ARPC2: variants seen among roughly 807,000 people sequenced by gnomAD.
ARPC2 encodes actin-related protein 2/3 complex subunit 2.
In ARPC2, 4 loss-of-function variants were observed where a neutral mutation model predicts 38.6. The ratio of observed to expected loss-of-function variants is 0.10; its 90% CI spans 0.05 to 0.24. ARPC2 has a LOEUF of 0.24. ARPC2 is among the 10% of genes least tolerant of loss of function. ARPC2 has a pLI of 1.00. For synonymous variants in ARPC2, 125 were observed against 140.8 expected (o/e 0.89, Z 0.79); for missense variants, 229 against 387.3 (o/e 0.59, Z 3.43).
chr2:218,239,421 A>T lies in ARPC2; in HGVS notation c.486A>T (p.Thr162=). The change falls in exon 7 of 11, where the codon ACA becomes ACT. Residue 162 remains threonine (T), a synonymous_variant. Coordinates refer to ENST00000315717, the MANE Select transcript of ARPC2 (RefSeq NM_152862.3). The stretch of plus-strand genomic sequence containing the variant: ...TTGAGTCTAAAAAGGACAGAGTCAC[A>T]GTAGTCTTCAGCACAGTGTTTAAGG... ...MYVESKKDRV[T]VVFSTVFKDD... The T allele has an allele frequency of 2.5e-6, 4 of 1,614,086 alleles. No individual in the cohort carries two copies. The South Asian group carries it at 4.4e-5, about 18-fold the overall frequency.
Position 218,254,293 on chromosome 2 carries a change from C to A in ARPC2, c.*378C>A. 5.1e-6 allele frequency: 1 copy of A among 194,690 alleles called. No homozygotes were observed. The highest frequency in any genetic ancestry group is 9.8e-5 in the South Asian group (1 of 10,208). The allele number at this position is 194,690 out of a possible 1,614,324, so 12.1% of individuals were successfully genotyped here. On this transcript the variant is annotated 3_prime_UTR_variant, in exon 11 of 11. Coordinates refer to ENST00000315717, the MANE Select transcript of ARPC2 (RefSeq NM_152862.3). The stretch of plus-strand genomic sequence containing the variant: ...CTCCTAAGTATTTGAGTTCAAAACT[C>A]CTGTATCTAAAGAAATACGGTTGGG...
chr2:218,252,652 G>T (rs1034660089), intron 10 of ARPC2, among the ~76,000 whole-genome samples: 1 of 152,188 alleles, frequency 6.6e-6, no homozygotes, highest in Admixed American at 6.5e-5. Context: ...GTGATAACCG[G>T]ACTGGAAGGC....
At chr2:218,217,344 T>G in intron 1 of ARPC2, 90 bp downstream of exon 1, 3 of 606,364 alleles carry the variant, frequency 4.9e-6, no homozygotes, top group Admixed American at 2.5e-5. Flanking sequence ...CCCTCTCCCC[T>G]TCTCCCCTAA....
At chr2:218,239,510 A>C in intron 7 of ARPC2, 26 bp downstream of exon 7, 1 of 1,579,110 alleles carries the variant, frequency 6.3e-7, no homozygotes, top group Non-Finnish European at 8.7e-7. Flanking sequence ...CTTGGGGGAA[A>C]CCCATGCATG....
chr2:218,241,338 T>C (rs1240952136), intron 7 of ARPC2, among the ~76,000 whole-genome samples: 2 of 152,190 alleles, frequency 1.3e-5, no homozygotes, highest in Non-Finnish European at 2.9e-5. Context: ...GGAGTCACTA[T>C]ACAGAAAAAT....
At chr2:218,247,934 C>T (rs1690086916) in intron 8 of ARPC2, among the ~76,000 whole-genome samples, 1 of 136,110 alleles carries the variant, frequency 7.3e-6, no homozygotes, top group South Asian at 2.6e-4. Context: ...CAGAACAAGA[C>T]TCCGTCTCAA....
At chr2:218,248,091 T>C (rs1263035728) in intron 8 of ARPC2, among the ~76,000 whole-genome samples, 2 of 152,134 alleles carry the variant, frequency 1.3e-5, no homozygotes. Context: ...GCTATACCAT[T>C]TTTTTCAAGT....
At chr2:218,224,310 G>A (rs1689449292) in intron 2 of ARPC2, among the ~76,000 whole-genome samples, 2 of 152,116 alleles carry the variant, frequency 1.3e-5, no homozygotes, top group South Asian at 4.2e-4. Context: ...CCCTTCTTTG[G>A]CTGAATTAAA....
chr2:218,236,128 C>G (rs1158402989), intron 5 of ARPC2: 4 of 151,252 alleles, frequency 2.6e-5, no homozygotes, highest in Non-Finnish European at 5.9e-5. Context: ...CTCTCCTCCT[C>G]TTTTTTAATG....
In ARPC2 at chr2:218,238,800, C is replaced by G. The variant is rs369075041; in HGVS notation, c.405C>G (p.Gly135=). The change falls in exon 6 of 11, where the codon GGC becomes GGG. Residue 135 remains glycine, a synonymous_variant. Coordinates refer to ENST00000315717, the MANE Select transcript of ARPC2 (RefSeq NM_152862.3). ...AATACTTCCAATTCCAAGAAGAGGG[C>G]AAGGAAGGAGAGAACAGGGCAGTTA... ...FEKYFQFQEE[G]KEGENRAVIH... is the part of the protein sequence containing the mutation. The G allele has an allele frequency of 6.2e-7, 1 of 1,613,674 alleles. No homozygotes were observed.
intron 2 of ARPC2, among the ~76,000 whole-genome samples, chr2:218,220,524 A>C: frequency 6.6e-6 from 1 of 152,348 alleles, no homozygotes; most frequent in Middle Eastern, 3.4e-3. Context: ...CCAGCTTCTG[A>C]AAATGAAAGC....
At chr2:218,217,679 G>A (rs1217331828) in intron 2 of ARPC2, 135 bp downstream of exon 2, 2 of 950,768 alleles carry the variant, frequency 2.1e-6, no homozygotes, top group East Asian at 2.6e-5. Context: ...GCCCCAGCGG[G>A]GTAGACGTGG....
chr2:218,229,382 T>G (rs1283881837), intron 4 of ARPC2: 3 of 152,422 alleles, frequency 2.0e-5, no homozygotes, highest in Non-Finnish European at 4.4e-5. Flanking sequence ...ACTGGCTTCT[T>G]TAAATAGTTA....
intron 4 of ARPC2, among the ~76,000 whole-genome samples, chr2:218,232,825 C>G (rs913837922): frequency 6.6e-6 from 1 of 152,054 alleles, no homozygotes; most frequent in Non-Finnish European, 1.5e-5. Context: ...ATCACCCCGC[C>G]TCGGCCTCCC....
At chr2:218,238,214 C>G (rs1689818849) in intron 5 of ARPC2, among the ~76,000 whole-genome samples, 1 of 152,080 alleles carries the variant, frequency 6.6e-6, no homozygotes, top group African/African-American at 2.4e-5. Flanking sequence ...ACAAAGCTAC[C>G]CATTTGCTGG....
intron 2 of ARPC2, among the ~76,000 whole-genome samples, chr2:218,225,126 G>A (rs1315614012): frequency 6.6e-6 from 1 of 152,196 alleles, no homozygotes; most frequent in Non-Finnish European, 1.5e-5. Flanking sequence ...GTAGTTCCAT[G>A]AGGTAAATAG....
intron 4 of ARPC2, 198 bp downstream of exon 4, chr2:218,229,048 A>G: frequency 2.3e-6 from 1 of 435,484 alleles, no homozygotes; most frequent in Non-Finnish European, 4.2e-6. Context: ...GCTTTAAAAC[A>G]ATGGAAACAA....
intron 2 of ARPC2, among the ~76,000 whole-genome samples, chr2:218,218,200 A>G (rs895025194): frequency 2.0e-5 from 3 of 152,030 alleles, no homozygotes; most frequent in Admixed American, 6.5e-5. Flanking sequence ...CCCCTTCCTT[A>G]TCTCTCCTTT....
chr2:218,228,769 T>C lies in ARPC2; in HGVS notation c.141T>C (p.Asn47=). The part of the protein sequence containing the change: ...DFDGVLYHIS[N]PNGDKTKVMV... ...ATGGGGTCCTCTATCATATTTCAAA[T>C]CCTAATGGAGACAAAACAAAAGTGA... The change falls in exon 4 of 11, where the codon AAT becomes AAC. Residue 47 remains asparagine, a synonymous_variant. Transcript: ENST00000315717. The C allele has an allele frequency of 6.2e-7, 1 of 1,608,440 alleles. No individual in the cohort carries two copies. The highest frequency in any genetic ancestry group is 8.5e-7 in the Non-Finnish European group (1 of 1,174,976).
Sources: gnomAD v4.1 joint callset for allele counts (sites outside exome capture counted in the v4.1 genomes callset) on GRCh38, gnomAD v4.1.1 for gene constraint, MANE v1.5 for transcripts, NCBI Gene and HGNC (gene_info 2026-07-23, HGNC 2026-07-21) for gene names.